Variants in SLC26A7 observed in about 807,000 individuals in gnomAD.
SLC26A7 encodes the protein anion exchange transporter.
In SLC26A7, 59 loss-of-function variants were observed where a neutral mutation model predicts 82.5. The ratio of observed to expected loss-of-function variants is 0.72; its 90% CI spans 0.58 to 0.89. The LOEUF (loss-of-function observed/expected upper bound fraction) is 0.89. SLC26A7 is among the 40% of genes least tolerant of loss of function. The pLI is 0.00. For synonymous variants in SLC26A7, 271 were observed against 274.3 expected (o/e 0.99, Z 0.12); for missense variants, 820 against 793.0 (o/e 1.03, Z -0.41).
At chr8:91,306,023 T>C (rs1219589987) in intron 4 of SLC26A7, among the ~76,000 whole-genome samples, 1 of 152,166 alleles carries the variant, frequency 6.6e-6, no homozygotes, top group African/African-American at 2.4e-5. Context: ...CCTGTAAAAC[T>C]CCCTTTTCAC....
chr8:91,268,786 CT>C (rs1166264601), intron 2 of SLC26A7, among the ~76,000 whole-genome samples: 1 of 151,266 alleles, frequency 6.6e-6, no homozygotes. Flanking sequence ...GGTTAAGTGA[CT>C]TTCTCTAGTA....
intron 2 of SLC26A7, among the ~76,000 whole-genome samples, chr8:91,234,371 T>C (rs1676635374): frequency 1.3e-5 from 2 of 152,230 alleles, no homozygotes; most frequent in African/African-American, 4.8e-5. Context: ...ATTAGGAAAC[T>C]CTTCTAGGTC....
intron 5 of SLC26A7, among the ~76,000 whole-genome samples, chr8:91,320,399 T>A (rs1812759046): frequency 6.6e-6 from 1 of 152,114 alleles, no homozygotes. Flanking sequence ...TGATGGAAAA[T>A]GGAAAAAAAG....
chr8:91,380,976 GA>G (rs1165161538), intron 15 of SLC26A7, among the ~76,000 whole-genome samples: 97 of 152,126 alleles, frequency 6.4e-4, no homozygotes, highest in African/African-American at 2.0e-3. Context: ...ATGTTATACT[GA>G]CATAATAATG....
intron 2 of SLC26A7, among the ~76,000 whole-genome samples, chr8:91,260,162 C>G (rs988421583): frequency 1.3e-5 from 2 of 152,222 alleles, no homozygotes; most frequent in African/African-American, 4.8e-5. Flanking sequence ...ACTCACAGTT[C>G]CATATGGCTG....
chr8:91,383,495 GCCCTCTC>G (rs1814718472), intron 15 of SLC26A7, among the ~76,000 whole-genome samples: 1 of 152,104 alleles, frequency 6.6e-6, no homozygotes, highest in Non-Finnish European at 1.5e-5. Flanking sequence ...TTTAAAAATA[GCCCTCTC>G]CCCTAAAAAT....
chr8:91,300,589 G>A (rs2130783755), intron 4 of SLC26A7, among the ~76,000 whole-genome samples: 1 of 152,144 alleles, frequency 6.6e-6, no homozygotes, highest in African/African-American at 2.4e-5. Context: ...AGTAGAGACG[G>A]GGTTTCACCG....
upstream of SLC26A7, among the ~76,000 whole-genome samples, chr8:91,248,138 C>T (rs568696515): frequency 3.3e-5 from 5 of 152,184 alleles, no homozygotes; most frequent in South Asian, 2.1e-4. Flanking sequence ...AGGCCCCAAA[C>T]CTGAACTATT....
intron 15 of SLC26A7, among the ~76,000 whole-genome samples, chr8:91,373,705 C>A (rs1814428735): frequency 6.6e-6 from 1 of 151,842 alleles, no homozygotes; most frequent in African/African-American, 2.4e-5. Flanking sequence ...TGTGTCCTTA[C>A]CAGATTTTGG....
At chr8:91,291,528 A>C (rs1811867956) in intron 3 of SLC26A7, among the ~76,000 whole-genome samples, 1 of 152,208 alleles carries the variant, frequency 6.6e-6, no homozygotes. Context: ...ACCTCTAAAA[A>C]CATTTTCTCT....
intron 8 of SLC26A7, among the ~76,000 whole-genome samples, chr8:91,341,963 C>G (rs1356457274): frequency 6.6e-6 from 1 of 152,112 alleles, no homozygotes; most frequent in Non-Finnish European, 1.5e-5. Flanking sequence ...AAACCTCACT[C>G]TGTTGGCCAG....
chr8:91,306,968 C>A (rs1380195367), intron 4 of SLC26A7, among the ~76,000 whole-genome samples: 1 of 147,248 alleles, frequency 6.8e-6, no homozygotes, highest in Non-Finnish European at 1.5e-5. Flanking sequence ...AACAAACAAC[C>A]CCATCAAAAA....
intron 4 of SLC26A7, among the ~76,000 whole-genome samples, chr8:91,316,667 A>G (rs1046526698): frequency 4.0e-5 from 6 of 151,552 alleles, no homozygotes; most frequent in African/African-American, 1.2e-4. Flanking sequence ...AAGAAGTTAT[A>G]TCAGCATGAC....
chr8:91,385,708 A>T (rs1814782314), intron 15 of SLC26A7, among the ~76,000 whole-genome samples: 1 of 152,212 alleles, frequency 6.6e-6, no homozygotes, highest in Admixed American at 6.5e-5. Context: ...AGACAATGGA[A>T]GGGACATTTT....
upstream of SLC26A7, among the ~76,000 whole-genome samples, chr8:91,246,514 G>GTTTAGAAGA (rs1747505593): frequency 6.6e-6 from 1 of 152,114 alleles, no homozygotes; most frequent in African/African-American, 2.4e-5. Context: ...TTGAGTAAAT[G>GTTTAGAAGA]TTTAGAAGAT....
At chr8:91,210,702 T>C (rs1459681069) in intron 1 of SLC26A7, among the ~76,000 whole-genome samples, 1 of 152,074 alleles carries the variant, frequency 6.6e-6, no homozygotes, top group African/African-American at 2.4e-5. Flanking sequence ...AGAGAATACA[T>C]TTTTATGAAT....
chr8:91,371,991 G>T (rs576560012), intron 15 of SLC26A7, among the ~76,000 whole-genome samples: 1 of 152,178 alleles, frequency 6.6e-6, no homozygotes, highest in East Asian at 1.9e-4. Context: ...GATGATTAAT[G>T]ATGTTGAGCA....
intron 2 of SLC26A7, among the ~76,000 whole-genome samples, chr8:91,281,481 C>T (rs199627364): frequency 0.023 from 3,440 of 152,262 alleles, 112 homozygotes; most frequent in African/African-American, 0.077. Context: ...ATGCCATTTT[C>T]TATAAATGAC....
chr8:91,293,633 C>A (rs1373571457), intron 3 of SLC26A7, among the ~76,000 whole-genome samples: 1 of 152,176 alleles, frequency 6.6e-6, no homozygotes, highest in Non-Finnish European at 1.5e-5. Context: ...CCTAACAAAG[C>A]CTTTTAGATG....
Sources: gnomAD v4.1 joint callset for allele counts (sites outside exome capture counted in the v4.1 genomes callset) on GRCh38, gnomAD v4.1.1 for gene constraint, MANE v1.5 for transcripts, NCBI Gene and HGNC (gene_info 2026-07-23, HGNC 2026-07-21) for gene names.